EXOC4: variants seen among roughly 807,000 people sequenced by gnomAD.
The protein encoded by EXOC4 is exocyst complex component 4, also known as SEC8-like 1.
Under a neutral mutation model 107.2 loss-of-function variants are expected in EXOC4, and 71 were observed. The observed-to-expected ratio is 0.66, with a 90% CI of 0.55 to 0.81. EXOC4 has a LOEUF of 0.81. Among genes scored for constraint, EXOC4 ranks in the 30% least tolerant of loss-of-function variants. EXOC4 has a pLI of 0.00. For synonymous variants in EXOC4, 456 were observed against 441.2 expected, an observed-to-expected ratio of 1.03 and a Z score of -0.42; for missense variants, 1,108 against 1,189.6, an observed-to-expected ratio of 0.93 and a Z score of 1.01.
intron 10 of EXOC4, among the ~76,000 whole-genome samples, chr7:133,731,685 A>G (rs2151117586): frequency 6.6e-6 from 1 of 152,278 alleles, no homozygotes; most frequent in South Asian, 2.1e-4. Context: ...GCAAGTTGCT[A>G]ACCTCTCTTA....
At chr7:133,649,462 T>TTTTC (rs1048314698) in intron 10 of EXOC4, among the ~76,000 whole-genome samples, 3 of 696 alleles carry the variant, frequency 4.3e-3, no homozygotes, top group Non-Finnish European at 0.041. Flanking sequence ...GCATTACTAC[T>TTTTC]TTTTCTTTTT....
intron 6 of EXOC4, among the ~76,000 whole-genome samples, chr7:133,367,332 A>G (rs1796269697): frequency 6.6e-6 from 1 of 152,198 alleles, no homozygotes; most frequent in South Asian, 2.1e-4. Flanking sequence ...GCAGGAAAGC[A>G]GAAGAGTGGA....
Position 133,838,155 on chromosome 7 carries a change from A to G in EXOC4, c.1734+20611A>G, listed in dbSNP as rs1563021336. 2.0e-5 allele frequency among the ~76,000 whole-genome samples: 3 copies of G among 152,216 alleles called. No homozygotes were observed. In the South Asian group the frequency reaches 6.2e-4, roughly 32 times the overall value. Reference sequence around the variant, plus strand: ...TATTTAAAAAGGAAATGAATATGACAACCAAATGGACTTGATTGAAATCAG... The same window carrying G: ...TATTTAAAAAGGAAATGAATATGACGACCAAATGGACTTGATTGAAATCAG... On this transcript the variant is annotated intron_variant, in intron 11 of 17. Coordinates refer to ENST00000253861, the MANE Select transcript of EXOC4 (RefSeq NM_021807.4).
intron 1 of EXOC4, among the ~76,000 whole-genome samples, chr7:133,260,428 C>A (rs1016741799): frequency 6.6e-6 from 1 of 152,140 alleles, no homozygotes; most frequent in South Asian, 2.1e-4. Flanking sequence ...CGTGCGCCAC[C>A]ACACCCGGCT....
At chr7:134,063,758 A>C (rs1287730457) in intron 17 of EXOC4, among the ~76,000 whole-genome samples, 2 of 152,226 alleles carry the variant, frequency 1.3e-5, no homozygotes, top group African/African-American at 4.8e-5. Flanking sequence ...TAATAATAAT[A>C]ATCTTTATGA....
intron 10 of EXOC4, among the ~76,000 whole-genome samples, chr7:133,776,225 C>T (rs1293636434): frequency 8.0e-5 from 3 of 37,710 alleles, no homozygotes; most frequent in Admixed American, 4.0e-4. Flanking sequence ...TCTAATTCCA[C>T]CCGTCGGTTC....
intron 10 of EXOC4, among the ~76,000 whole-genome samples, chr7:133,676,113 G>GTCAT (rs1304318011): frequency 4.6e-5 from 7 of 151,944 alleles, no homozygotes; most frequent in Non-Finnish European, 4.4e-5. Flanking sequence ...GAGAATTGCA[G>GTCAT]TCATTCATTC....
Position 133,305,995 on chromosome 7 carries a change from A to C in EXOC4, c.590A>C (p.His197Pro). The C allele has an allele frequency of 1.2e-6, 2 of 1,613,928 alleles. No individual in the cohort carries two copies. The highest frequency in any genetic ancestry group is 1.7e-6 in the Non-Finnish European group (2 of 1,179,910). Reference protein sequence around the residue: ...NLHLVLIDELHRHLYIKSTSR... With the variant: ...NLHLVLIDELPRHLYIKSTSR... ...CACTTGGTTCTCATAGATGAACTACACCGGCACCTGTACATCAAATCGACT... is the reference window on the plus strand; with the variant it reads ...CACTTGGTTCTCATAGATGAACTACCCCGGCACCTGTACATCAAATCGACT... Residue 197 changes from histidine (H) to proline (P), a missense_variant, in exon 4 of 18, where the codon CAC (histidine) becomes CCC (proline). By Grantham distance (77) the His-to-Pro change is moderately conservative. Coordinates refer to ENST00000253861, the MANE Select transcript of EXOC4 (RefSeq NM_021807.4).
At chr7:133,726,213 C>G (rs1795211779) in intron 10 of EXOC4, among the ~76,000 whole-genome samples, 2 of 152,130 alleles carry the variant, frequency 1.3e-5, no homozygotes, top group South Asian at 4.1e-4. Context: ...AGGACTAATC[C>G]TTGGCATACT....
chr7:133,475,058 A>G (rs1401159726), intron 7 of EXOC4, among the ~76,000 whole-genome samples: 1 of 152,170 alleles, frequency 6.6e-6, no homozygotes, highest in African/African-American at 2.4e-5. Flanking sequence ...CACAATATCT[A>G]GCACATAGTA....
At chr7:133,468,075 G>A (rs919597957) in intron 7 of EXOC4, among the ~76,000 whole-genome samples, 17 of 152,090 alleles carry the variant, frequency 1.1e-4, no homozygotes, top group African/African-American at 4.1e-4. Flanking sequence ...ACATTTGGAA[G>A]CTATTAAACT....
At chr7:133,959,906 A>T (rs184514700) in intron 14 of EXOC4, among the ~76,000 whole-genome samples, 2 of 152,204 alleles carry the variant, frequency 1.3e-5, no homozygotes, top group Non-Finnish European at 2.9e-5. Flanking sequence ...ACGTTTTCAG[A>T]CATACAAGTT....
intron 12 of EXOC4, among the ~76,000 whole-genome samples, chr7:133,914,693 C>T (rs1799767338): frequency 1.3e-5 from 2 of 151,980 alleles, no homozygotes; most frequent in African/African-American, 4.8e-5. Flanking sequence ...CTCATAGGAC[C>T]CAGAAGAGGC....
chr7:133,821,252 T>C (rs1797514135), intron 11 of EXOC4, among the ~76,000 whole-genome samples: 2 of 152,216 alleles, frequency 1.3e-5, no homozygotes, highest in Admixed American at 1.3e-4. Context: ...CTCTGAGTGG[T>C]ATTCTTTTTA....
chr7:134,047,179 T>A (rs1346972031), intron 17 of EXOC4, among the ~76,000 whole-genome samples: 2 of 152,226 alleles, frequency 1.3e-5, no homozygotes, highest in Non-Finnish European at 2.9e-5. Context: ...TAGGTTAGCA[T>A]TAGCATTTAA....
intron 5 of EXOC4, among the ~76,000 whole-genome samples, chr7:133,331,447 CTTCTTTCTTTT>C (rs1366184253): frequency 7.1e-6 from 1 of 141,144 alleles, no homozygotes. Context: ...CAGGTATTAT[CTTCTTTCTTTT>C]TTCTTTTTTT....
At position 133,614,789 on chromosome 7, in the gene EXOC4, C is replaced by CAAA. The variant is rs35947572; in HGVS notation, c.1418-15231_1418-15229dup. ...AGTCATGAAAGAATTGTACATATGG[C>CAAA]AAAAAAAAAAAAAAAAAAAAAAAAA... On this transcript the variant is annotated intron_variant, in intron 9 of 17. Transcript: ENST00000253861. 4.7e-4 allele frequency among the ~76,000 whole-genome samples: 29 copies of CAAA among 61,710 alleles called. 2 individuals carry two copies. The highest frequency in any genetic ancestry group is 2.3e-3 in the East Asian group (4 of 1,724). 40.5% of individuals were successfully genotyped at this position (61,710 alleles called of 152,430 possible).
At chr7:133,642,635 A>G (rs1456671990) in intron 10 of EXOC4, among the ~76,000 whole-genome samples, 2 of 152,056 alleles carry the variant, frequency 1.3e-5, no homozygotes, top group Non-Finnish European at 2.9e-5. Flanking sequence ...TGCTACTCCA[A>G]ACCTAAACTT....
At position 133,762,985 on chromosome 7, in the gene EXOC4, C is replaced by T. The variant is rs185505916; in HGVS notation, c.1515-54340C>T. ...TTACATATTTACAAGTGTTGTATACCGATTTATAAAGTCAATATGCTCCCT... is the reference window on the plus strand; with the variant it reads ...TTACATATTTACAAGTGTTGTATACTGATTTATAAAGTCAATATGCTCCCT... On this transcript the variant is annotated intron_variant, in intron 10 of 17. Transcript: ENST00000253861. Among the ~76,000 whole-genome samples the T allele has an allele frequency of 4.7e-3, 718 of 151,946 alleles. 5 individuals are homozygous for T. Among genetic ancestry groups the T allele is most frequent in the South Asian group, 6.9e-3 (33 of 4,794 alleles).
Sources: gnomAD v4.1 joint callset for allele counts (sites outside exome capture counted in the v4.1 genomes callset) on GRCh38, gnomAD v4.1.1 for gene constraint, MANE v1.5 for transcripts, NCBI Gene and HGNC (gene_info 2026-07-23, HGNC 2026-07-21) for gene names.